The following PIK3C3 variants were observed in gnomAD, a reference collection of about 807,000 sequenced individuals.
The protein encoded by PIK3C3 is PI3-kinase type 3.
Under a neutral mutation model 126.1 loss-of-function variants are expected in PIK3C3, and 95 were observed. The ratio of observed to expected loss-of-function variants is 0.75; its 90% CI spans 0.64 to 0.89. The LOEUF (loss-of-function observed/expected upper bound fraction) is 0.89. Ranked by LOEUF, PIK3C3 falls within the 40% of genes least tolerant of loss-of-function variation. The pLI, the probability that PIK3C3 is intolerant of heterozygous loss-of-function variation, is 0.00. For synonymous variants in PIK3C3, 374 were observed against 360.0 expected (o/e 1.04, Z -0.44); for missense variants, 829 against 1,063.2 (o/e 0.78, Z 3.06).
chr18:41,962,739 A>T, intron 3 of PIK3C3, 107 bp downstream of exon 3: 3 of 995,094 alleles, frequency 3.0e-6, no homozygotes, highest in Non-Finnish European at 4.4e-6. Flanking sequence ...CTCCAGTGTA[A>T]ACCAGTTAGG....
chr18:42,040,156 CTTTTTT>C (rs55821466), intron 18 of PIK3C3, among the ~76,000 whole-genome samples: 4 of 110,554 alleles, frequency 3.6e-5, no homozygotes, highest in African/African-American at 1.2e-4. Context: ...GTCCCCTTTC[CTTTTTT>C]TTTTTTTTTT....
At chr18:41,956,886 G>T (rs1184794669) in intron 1 of PIK3C3, among the ~76,000 whole-genome samples, 1 of 152,088 alleles carries the variant, frequency 6.6e-6, no homozygotes, top group Non-Finnish European at 1.5e-5. Context: ...ATGTAAGAAA[G>T]AAAATATAAA....
In PIK3C3 at chr18:42,081,314, T is replaced by TAA; in HGVS notation, c.*179_*180dup. Reference sequence around the variant, plus strand: ...TTCTGCTTCCTTGGATGTCATTGCTTAAATATAGTCTTGAAGGGCTTGTTT... The same window carrying TAA: ...TTCTGCTTCCTTGGATGTCATTGCTTAAAAATATAGTCTTGAAGGGCTTGTTT... On this transcript the variant is annotated 3_prime_UTR_variant, in exon 25 of 25. Coordinates refer to ENST00000262039, the MANE Select transcript of PIK3C3 (RefSeq NM_002647.4). 4.1e-6 allele frequency: 2 copies of TAA among 486,740 alleles called. No individual in the cohort carries two copies. The highest frequency in any genetic ancestry group is 7.5e-6 in the Non-Finnish European group (2 of 267,488). 30.2% of individuals were successfully genotyped at this position (486,740 alleles called of 1,614,324 possible). A position where few individuals can be genotyped will look rare whatever the true frequency, so the allele number is the denominator to read the frequency against.
rs1568017526 is a variant in PIK3C3, at chr18:42,082,901, CAATA to C, written c.*1770_*1773del. The C allele has an allele frequency of 2.0e-5, 3 of 152,262 alleles. No individual in the cohort carries two copies. Among genetic ancestry groups the C allele is most frequent in the South Asian group, 2.1e-4 (1 of 4,830 alleles). 9.4% of individuals were successfully genotyped at this position (152,262 alleles called of 1,614,324 possible). Reference sequence around the variant, plus strand: ...GATATGACCATGTTTATAAGGAACTCAATAAATAATTTTGACACAAACATGAAAT... The same window carrying C: ...GATATGACCATGTTTATAAGGAACTCAATAATTTTGACACAAACATGAAAT... On this transcript the variant is annotated 3_prime_UTR_variant, in exon 25 of 25. Transcript: ENST00000262039.
At chr18:41,992,306 A>G (rs1981817741) in intron 6 of PIK3C3, among the ~76,000 whole-genome samples, 1 of 152,166 alleles carries the variant, frequency 6.6e-6, no homozygotes, top group African/African-American at 2.4e-5. Context: ...TAGGCTGATA[A>G]ATGTGTTTTC....
At chr18:41,973,748 G>GT (rs1980782634) in intron 4 of PIK3C3, among the ~76,000 whole-genome samples, 1 of 152,006 alleles carries the variant, frequency 6.6e-6, no homozygotes, top group South Asian at 2.1e-4. Context: ...ACATGGGAAA[G>GT]TATTTGTATG....
chr18:41,977,737 G>A (rs545416017), intron 4 of PIK3C3, among the ~76,000 whole-genome samples: 149 of 152,170 alleles, frequency 9.8e-4, no homozygotes, highest in African/African-American at 3.2e-3. Flanking sequence ...AACCCGCCTC[G>A]GCCTCCCAAA....
intron 11 of PIK3C3, among the ~76,000 whole-genome samples, chr18:42,014,207 C>CAA (rs58086258): frequency 0.022 from 865 of 39,898 alleles, 23 homozygotes; most frequent in Non-Finnish European, 0.028. Flanking sequence ...GACTCCGTCT[C>CAA]AAAAAAAAAA....
intron 4 of PIK3C3, among the ~76,000 whole-genome samples, chr18:41,984,453 TAAAA>T (rs1056742314): frequency 6.6e-6 from 1 of 151,902 alleles, no homozygotes; most frequent in Non-Finnish European, 1.5e-5. Flanking sequence ...ATAAAATTAA[TAAAA>T]AAATTTAATA....
chr18:42,057,755 T>G (rs1163742466), intron 21 of PIK3C3, 128 bp from the exon 22 acceptor site: 2 of 801,594 alleles, frequency 2.5e-6, no homozygotes, highest in Non-Finnish European at 3.9e-6. Context: ...ATCGAAGAAT[T>G]TAATAGGCTT....
chr18:42,017,857 A>C lies in PIK3C3; in HGVS notation c.1416+2291A>C, dbSNP rs531603637. Among the ~76,000 whole-genome samples the C allele has an allele frequency of 2.6e-5, 4 of 151,886 alleles. No individual in the cohort carries two copies. The East Asian group carries it at 7.7e-4, about 29-fold the overall frequency. ...GTCCCTTGTAAATATCATGTAGCTAAATTTTGTTTTTAAATCTAGTTTAAC... is the reference window on the plus strand; with the variant it reads ...GTCCCTTGTAAATATCATGTAGCTACATTTTGTTTTTAAATCTAGTTTAAC... On this transcript the variant is annotated intron_variant, in intron 12 of 24. Coordinates refer to ENST00000262039, the MANE Select transcript of PIK3C3 (RefSeq NM_002647.4).
At chr18:42,019,342 A>T (rs1374130852) in intron 12 of PIK3C3, among the ~76,000 whole-genome samples, 1 of 152,168 alleles carries the variant, frequency 6.6e-6, no homozygotes, top group Admixed American at 6.5e-5. Flanking sequence ...GGAGTTGTTT[A>T]TACATACTCT....
intron 9 of PIK3C3, among the ~76,000 whole-genome samples, chr18:42,001,312 T>C (rs1598884113): frequency 6.6e-6 from 1 of 152,356 alleles, no homozygotes; most frequent in African/African-American, 2.4e-5. Context: ...AAAGGTCTCT[T>C]AAAAGTTAAT....
chr18:42,061,624 A>G (rs1219621385), intron 22 of PIK3C3, among the ~76,000 whole-genome samples: 4 of 152,212 alleles, frequency 2.6e-5, no homozygotes, highest in African/African-American at 9.6e-5. Context: ...TGAGTAGGAC[A>G]TTAAATGACT....
At chr18:42,046,984 A>G (rs1169671297) in intron 20 of PIK3C3, among the ~76,000 whole-genome samples, 1 of 152,184 alleles carries the variant, frequency 6.6e-6, no homozygotes, top group Non-Finnish European at 1.5e-5. Flanking sequence ...CCATATAACA[A>G]TGAAATGCAC....
At chr18:41,958,771 T>A (rs555294303) in intron 2 of PIK3C3, among the ~76,000 whole-genome samples, 5 of 151,806 alleles carry the variant, frequency 3.3e-5, no homozygotes, top group East Asian at 1.9e-4. Context: ...ACATAAAAAA[T>A]ATATATATAT....
intron 10 of PIK3C3, among the ~76,000 whole-genome samples, chr18:42,009,956 A>G (rs1567981640): frequency 6.6e-6 from 1 of 152,162 alleles, no homozygotes; most frequent in African/African-American, 2.4e-5. Context: ...TACCTGTGGC[A>G]GTTTCCTAAA....
chr18:42,060,293 G>A (rs921366275), intron 22 of PIK3C3, among the ~76,000 whole-genome samples: 1 of 152,092 alleles, frequency 6.6e-6, no homozygotes, highest in African/African-American at 2.4e-5. Context: ...TACCACATAA[G>A]CAGAGTAGTC....
intron 21 of PIK3C3, chr18:42,051,233 T>C (rs1350932128): frequency 6.6e-6 from 1 of 152,222 alleles, no homozygotes; most frequent in Non-Finnish European, 1.5e-5. Context: ...CCCCCATGCC[T>C]CTGGACCTTG....
Sources: allele counts gnomAD v4.1 joint callset (sites outside exome capture counted in the v4.1 genomes callset), GRCh38; gene constraint gnomAD v4.1.1; transcripts MANE v1.5; gene names NCBI Gene and HGNC (gene_info 2026-07-23, HGNC 2026-07-21).